Variants in NALF1 observed in about 807,000 individuals in gnomAD.
NALF1 encodes the protein NALCN channel auxiliary factor 1.
NALF1 carries 3 observed loss-of-function variants against 48.4 expected under a neutral mutation model. That is an observed-to-expected ratio of 0.06 (90% CI 0.03 to 0.16). The LOEUF is 0.16. NALF1 is among the 10% of genes least tolerant of loss of function. The pLI, the probability that NALF1 is intolerant of heterozygous loss-of-function variation, is 1.00. For missense variants in NALF1, 526 were observed against 571.5 expected, an observed-to-expected ratio of 0.92 and a Z score of 0.81; for synonymous variants, 262 against 245.7, an observed-to-expected ratio of 1.07 and a Z score of -0.62.
chr13:107,407,891 A>G (rs532911114), intron 1 of NALF1, among the ~76,000 whole-genome samples: 18 of 152,252 alleles, frequency 1.2e-4, no homozygotes, highest in African/African-American at 4.3e-4. Context: ...AATGTGGTAC[A>G]TATACTCAAT....
At chr13:107,498,606 C>T (rs1403593492) in intron 1 of NALF1, among the ~76,000 whole-genome samples, 4 of 151,856 alleles carry the variant, frequency 2.6e-5, no homozygotes, top group African/African-American at 4.8e-5. Flanking sequence ...GGGAGAACAA[C>T]GTGGAATTAA....
chr13:107,454,620 A>G (rs988755230), intron 1 of NALF1, among the ~76,000 whole-genome samples: 1 of 152,180 alleles, frequency 6.6e-6, no homozygotes, highest in African/African-American at 2.4e-5. Flanking sequence ...TAACCATATC[A>G]CAGTTGTATA....
At chr13:107,426,288 A>G (rs1884279967) in intron 1 of NALF1, among the ~76,000 whole-genome samples, 1 of 152,202 alleles carries the variant, frequency 6.6e-6, no homozygotes, top group Non-Finnish European at 1.5e-5. Context: ...TTGTAGAATG[A>G]GGTTTCTTTC....
At chr13:107,279,846 C>T (rs1425116396) in intron 1 of NALF1, among the ~76,000 whole-genome samples, 1 of 152,200 alleles carries the variant, frequency 6.6e-6, no homozygotes, top group Non-Finnish European at 1.5e-5. Flanking sequence ...GGAATCAACT[C>T]CCACAATTTA....
chr13:107,486,806 G>A (rs890279653), intron 1 of NALF1, among the ~76,000 whole-genome samples: 2 of 152,066 alleles, frequency 1.3e-5, no homozygotes, highest in African/African-American at 4.8e-5. Flanking sequence ...CCTGCTTTTG[G>A]ATATTGAAGG....
intron 1 of NALF1, among the ~76,000 whole-genome samples, chr13:107,447,345 T>C (rs2139031870): frequency 6.6e-6 from 1 of 152,276 alleles, no homozygotes. Flanking sequence ...CACCTGAAAG[T>C]CCTGACCACC....
At chr13:107,745,763 A>C (rs1876765145) in intron 1 of NALF1, among the ~76,000 whole-genome samples, 1 of 152,142 alleles carries the variant, frequency 6.6e-6, no homozygotes, top group Non-Finnish European at 1.5e-5. Flanking sequence ...ATGTTGTGGA[A>C]GGGACCTTCT....
intron 1 of NALF1, among the ~76,000 whole-genome samples, chr13:107,483,093 C>T (rs1924441): frequency 0.27 from 41,666 of 151,944 alleles, 6,600 homozygotes; most frequent in Middle Eastern, 0.4. Context: ...TGTGAGCTCC[C>T]GTATGTAAAC....
intron 1 of NALF1, among the ~76,000 whole-genome samples, chr13:107,840,860 T>C (rs1880026033): frequency 6.6e-6 from 1 of 152,108 alleles, no homozygotes; most frequent in African/African-American, 2.4e-5. Flanking sequence ...AGACTGCCCT[T>C]TTTTCCTTCA....
intron 1 of NALF1, among the ~76,000 whole-genome samples, chr13:107,838,058 A>G (rs1879948116): frequency 6.6e-6 from 1 of 152,172 alleles, no homozygotes; most frequent in Admixed American, 6.5e-5. Context: ...GAACTTCCAA[A>G]TGCTGGAAGC....
intron 1 of NALF1, among the ~76,000 whole-genome samples, chr13:107,786,796 C>T (rs1385878060): frequency 6.6e-6 from 1 of 152,176 alleles, no homozygotes; most frequent in Non-Finnish European, 1.5e-5. Flanking sequence ...GCTCTTCTCT[C>T]CCTCTCATCT....
At chr13:107,795,685 ATAGTT>A (rs1566484888) in intron 1 of NALF1, among the ~76,000 whole-genome samples, 1 of 147,648 alleles carries the variant, frequency 6.8e-6, no homozygotes, top group African/African-American at 2.4e-5. Context: ...TAATAATACT[ATAGTT>A]TATATAGCAT....
intron 1 of NALF1, among the ~76,000 whole-genome samples, chr13:107,338,866 C>T (rs565497573): frequency 3.9e-5 from 6 of 152,216 alleles, no homozygotes; most frequent in East Asian, 1.9e-4. Context: ...GGAGCTGTGG[C>T]TCATGCCTGT....
chr13:107,696,987 G>A (rs1211625957), intron 1 of NALF1, among the ~76,000 whole-genome samples: 1 of 151,758 alleles, frequency 6.6e-6, no homozygotes, highest in African/African-American at 2.4e-5. Context: ...CCTATAACCT[G>A]TTTTTTTATT....
chr13:107,865,666 C>G lies in NALF1; in HGVS notation c.915+16G>C. ...AGGAAAGTGCAGGAAAGGGGGAAAC[C>G]CCCGAGGGTTCCTACCTTACAGTCT... On this transcript the variant is annotated intron_variant, in intron 1 of 2. Transcript: ENST00000375915. 1 of 1,607,518 alleles carries G rather than the reference C, an allele frequency of 6.2e-7. No homozygotes were observed. Among genetic ancestry groups the G allele is most frequent in the East Asian group, 2.2e-5 (1 of 44,714 alleles).
intron 1 of NALF1, among the ~76,000 whole-genome samples, chr13:107,416,324 A>AT (rs140524488): frequency 0.013 from 1,915 of 151,728 alleles, 39 homozygotes; most frequent in African/African-American, 0.044. Flanking sequence ...CTAGATGCAG[A>AT]TTTTTTTCAG....
chr13:107,214,411 A>G (rs2138808632), intron 1 of NALF1, among the ~76,000 whole-genome samples: 1 of 152,350 alleles, frequency 6.6e-6, no homozygotes, highest in South Asian at 2.1e-4. Flanking sequence ...AGAGAGAAAT[A>G]TTAGGTAAAT....
intron 1 of NALF1, among the ~76,000 whole-genome samples, chr13:107,636,242 C>T (rs1261955910): frequency 6.6e-6 from 1 of 152,032 alleles, no homozygotes; most frequent in Non-Finnish European, 1.5e-5. Context: ...GAATCCATTA[C>T]CCAGAATAAC....
intron 2 of NALF1, among the ~76,000 whole-genome samples, chr13:107,204,136 C>A (rs1236062864): frequency 6.7e-6 from 1 of 149,282 alleles, no homozygotes; most frequent in African/African-American, 2.5e-5. Context: ...TGCTCTCCAA[C>A]GAGCATCACC....
Sources: allele counts gnomAD v4.1 joint callset (sites outside exome capture counted in the v4.1 genomes callset), GRCh38; gene constraint gnomAD v4.1.1; transcripts MANE v1.5; gene names NCBI Gene and HGNC (gene_info 2026-07-23, HGNC 2026-07-21).